The following RABEP2 variants were observed in gnomAD, a reference collection of about 807,000 sequenced individuals.
RABEP2 encodes rab GTPase-binding effector protein 2.
A neutral mutation model predicts 74.1 loss-of-function variants in RABEP2; 57 were observed. The observed-to-expected ratio is 0.77, with a 90% confidence interval of 0.62 to 0.96. The LOEUF is 0.96. Among genes scored for constraint, RABEP2 ranks in the 40% least tolerant of loss-of-function variants. The probability of loss-of-function intolerance (pLI) is 0.00; values close to 1 mark genes in which losing one functional copy is unlikely to be tolerated. For synonymous variants in RABEP2, 351 were observed against 344.0 expected, an observed-to-expected ratio of 1.02 and a Z score of -0.23; for missense variants, 692 against 756.3, an observed-to-expected ratio of 0.91 and a Z score of 1.00.
At chr16:28,924,865 C>T (rs775590820) in intron 1 of RABEP2, 1 of 738,490 alleles carries the variant, frequency 1.4e-6, no homozygotes, top group African/African-American at 1.7e-5. Flanking sequence ...GCCCCGCCCT[C>T]CTAGTGGCCG....
intron 8 of RABEP2, 142 bp downstream of exon 8, chr16:28,908,467 G>A (rs1304016920): frequency 3.8e-6 from 3 of 782,780 alleles, no homozygotes; most frequent in Non-Finnish European, 5.8e-6. Flanking sequence ...CTCAGATGAG[G>A]AAACTGAGCC....
chr16:28,916,555 C>G (rs971088603), intron 3 of RABEP2, among the ~76,000 whole-genome samples: 12 of 151,292 alleles, frequency 7.9e-5, no homozygotes, highest in Non-Finnish European at 7.4e-5. Flanking sequence ...CCTGTAATCC[C>G]AGCTACTCAG....
Position 28,906,125 on chromosome 16 carries a change from G to T in RABEP2, c.1317C>A (p.Ala439=). 2 of 1,577,908 alleles carry T rather than the reference G, an allele frequency of 1.3e-6. No individual in the cohort carries two copies. The highest frequency in any genetic ancestry group is 1.7e-6 in the Non-Finnish European group (2 of 1,165,660). ...TCACGATCTCGATCCGCAGGCGCTC[G>T]GCCCCGTGCTCCTGGGCCTGCAGCC... The part of the protein sequence containing the change: ...RARLQAQEHG[A]ERLRIEIVTL... Residue 439 remains alanine, a synonymous_variant, in exon 9 of 13, where the codon GCC becomes GCA. Transcript: ENST00000358201.
intron 3 of RABEP2, among the ~76,000 whole-genome samples, chr16:28,917,264 ACACT>A (rs1029087927): frequency 6.6e-5 from 10 of 152,122 alleles, no homozygotes; most frequent in South Asian, 6.2e-4. Context: ...CCTGCCACAA[ACACT>A]CAGTCAGTGA....
chr16:28,905,445 G>C lies in RABEP2; in HGVS notation c.1560C>G (p.Thr520=). Residue 520 remains threonine, a synonymous_variant, in exon 12 of 13, where the codon ACC becomes ACG. Coordinates refer to ENST00000358201, the MANE Select transcript of RABEP2 (RefSeq NM_024816.3). ...KVLRLQAELE[T]SEQVQRDFVR... The stretch of plus-strand genomic sequence containing the variant: ...CGAAATCCCTCTGCACCTGCTCACT[G>C]GTCTCCAGCTCTGCCTGCAGCCGCA... 1 of 1,607,962 alleles carries C rather than the reference G, an allele frequency of 6.2e-7. No homozygotes were observed. Among genetic ancestry groups the C allele is most frequent in the South Asian group, 1.1e-5 (1 of 89,404 alleles).
At chr16:28,924,331 C>G in intron 2 of RABEP2, 72 bp downstream of exon 2, 1 of 1,448,662 alleles carries the variant, frequency 6.9e-7, no homozygotes, top group South Asian at 1.2e-5. Context: ...TATCTGTGCC[C>G]CCAATCCCTT....
chr16:28,911,705 C>T (rs1042551421), intron 5 of RABEP2, among the ~76,000 whole-genome samples: 29 of 149,926 alleles, frequency 1.9e-4, no homozygotes, highest in African/African-American at 7.1e-4. Flanking sequence ...TGCCTATAAT[C>T]CCACCACTTT....
chr16:28,914,037 G>A (rs1173499536), intron 5 of RABEP2, among the ~76,000 whole-genome samples, 199 bp downstream of exon 5: 1 of 150,966 alleles, frequency 6.6e-6, no homozygotes, highest in Admixed American at 6.6e-5. Flanking sequence ...CAGCTTCCGA[G>A]TGGCTGGGAT....
At chr16:28,909,921 C>T (rs150745757) in intron 7 of RABEP2, among the ~76,000 whole-genome samples, 4,081 of 147,700 alleles carry the variant, frequency 0.028, 176 homozygotes, top group African/African-American at 0.096. Context: ...CTCAGCTACT[C>T]GGGAGGCTGA....
At chr16:28,912,069 A>ACC (rs1403765505) in intron 5 of RABEP2, among the ~76,000 whole-genome samples, 2 of 151,708 alleles carry the variant, frequency 1.3e-5, no homozygotes, top group Non-Finnish European at 2.9e-5. Flanking sequence ...ACATGGTGAA[A>ACC]CCCCGTCTCT....
At chr16:28,914,025 C>T (rs1482333286) in intron 5 of RABEP2, among the ~76,000 whole-genome samples, 2 of 151,530 alleles carry the variant, frequency 1.3e-5, no homozygotes, top group Non-Finnish European at 2.9e-5. Flanking sequence ...AATCTTCCCA[C>T]CCAGCTTCCG....
intron 1 of RABEP2, 154 bp downstream of exon 1, chr16:28,924,949 T>G: frequency 2.1e-6 from 2 of 965,552 alleles, no homozygotes; most frequent in Non-Finnish European, 1.6e-6. Context: ...CCACGCCCCC[T>G]TTTGCCTGTG....
chr16:28,919,094 C>T (rs773261786), intron 3 of RABEP2, among the ~76,000 whole-genome samples: 4 of 152,250 alleles, frequency 2.6e-5, no homozygotes, highest in African/African-American at 4.8e-5. Context: ...ACAGACCTCC[C>T]TTACAGGGAA....
intron 2 of RABEP2, 62 bp from the exon 3 acceptor site, chr16:28,920,005 C>T (rs898101571): frequency 1.9e-5 from 28 of 1,485,830 alleles, no homozygotes; most frequent in African/African-American, 1.2e-4. Context: ...TGCCTGTGGG[C>T]GAGCAGGGGA....
At position 28,916,532 on chromosome 16, in the gene RABEP2, G is replaced by A. The variant is rs552631502; in HGVS notation, c.433-1750C>T. Among the ~76,000 whole-genome samples, 58 of 151,878 alleles carry A rather than the reference G, an allele frequency of 3.8e-4. No individual in the cohort carries two copies. In the Middle Eastern group the frequency reaches 0.01, roughly 27 times the overall value. Reference sequence around the variant, plus strand: ...ACTAAAAATACAAAATTAGCCGGGCGTGGCAGTGGGCACCTGTAATCCCAG... The same window carrying A: ...ACTAAAAATACAAAATTAGCCGGGCATGGCAGTGGGCACCTGTAATCCCAG... On this transcript the variant is annotated intron_variant, in intron 3 of 12. Transcript: ENST00000358201.
chr16:28,907,293 A>G (rs1184298474), intron 8 of RABEP2, among the ~76,000 whole-genome samples: 1 of 150,556 alleles, frequency 6.6e-6, no homozygotes, highest in Non-Finnish European at 1.5e-5. Flanking sequence ...AGTTGCTGGG[A>G]CTGCAGGTGG....
At chr16:28,925,050 GC>G in intron 1 of RABEP2, 52 bp downstream of exon 1, 1 of 1,533,526 alleles carries the variant, frequency 6.5e-7, no homozygotes, top group Non-Finnish European at 8.8e-7. Context: ...GGCTGGCTCG[GC>G]CCCGCCCCCA....
chr16:28,911,771 A>G (rs2152219985), intron 5 of RABEP2, among the ~76,000 whole-genome samples: 1 of 150,840 alleles, frequency 6.6e-6, no homozygotes, highest in South Asian at 2.1e-4. Flanking sequence ...ATATGGTGAA[A>G]CCTTGTCTCT....
chr16:28,920,991 G>A, intron 2 of RABEP2: 1 of 344,592 alleles, frequency 2.9e-6, no homozygotes, highest in South Asian at 2.2e-5. Flanking sequence ...AGTGCCCCGA[G>A]TAGCTGGGAC....
Sources: gnomAD v4.1 joint callset for allele counts (sites outside exome capture counted in the v4.1 genomes callset) on GRCh38, gnomAD v4.1.1 for gene constraint, MANE v1.5 for transcripts, NCBI Gene and HGNC (gene_info 2026-07-23, HGNC 2026-07-21) for gene names.